The following ZFYVE9 variants were observed in gnomAD, a reference collection of about 807,000 sequenced individuals.
ZFYVE9 encodes the protein zinc finger FYVE-type containing 9.
In ZFYVE9, 43 loss-of-function variants were observed where a neutral mutation model predicts 126.7. That is an observed-to-expected ratio of 0.34 (90% CI 0.27 to 0.44). The LOEUF is 0.44. Ranked by LOEUF, ZFYVE9 falls within the 20% of genes least tolerant of loss-of-function variation. The pLI is 1.00. For synonymous variants in ZFYVE9, 521 were observed against 597.4 expected (o/e 0.87, Z 1.87); for missense variants, 1,476 against 1,697.0 (o/e 0.87, Z 2.29).
intron 3 of ZFYVE9, among the ~76,000 whole-genome samples, chr1:52,235,437 CTA>C (rs774328566): frequency 2.0e-5 from 3 of 152,060 alleles, no homozygotes; most frequent in Non-Finnish European, 2.9e-5. Flanking sequence ...GAAGCTGTAA[CTA>C]TTTTTTTGTT....
intron 1 of ZFYVE9, chr1:52,160,113 A>G (rs1396643760): frequency 1.1e-5 from 6 of 543,190 alleles, no homozygotes; most frequent in Non-Finnish European, 1.7e-5. Context: ...GTCCTTGATT[A>G]TAGAGATTCA....
intron 1 of ZFYVE9, among the ~76,000 whole-genome samples, chr1:52,165,776 A>T (rs1644507792): frequency 6.6e-6 from 1 of 151,708 alleles, no homozygotes; most frequent in South Asian, 2.1e-4. Context: ...AATAGTGATC[A>T]GCATAGTTCC....
chr1:52,258,478 G>A (rs1645545094), intron 4 of ZFYVE9, among the ~76,000 whole-genome samples: 2 of 141,490 alleles, frequency 1.4e-5, no homozygotes, highest in African/African-American at 2.7e-5. Flanking sequence ...CTATGCCCAG[G>A]ACAGTACTGT....
At chr1:52,179,639 A>G (rs1360981850) in intron 1 of ZFYVE9, among the ~76,000 whole-genome samples, 2 of 152,218 alleles carry the variant, frequency 1.3e-5, no homozygotes, top group African/African-American at 4.8e-5. Context: ...GTCTCAAAAA[A>G]AAAAAAGTCA....
chr1:52,143,890 G>T (rs1030992021), intron 1 of ZFYVE9, among the ~76,000 whole-genome samples: 1 of 152,176 alleles, frequency 6.6e-6, no homozygotes, highest in African/African-American at 2.4e-5. Context: ...GCCTTGCATT[G>T]TTTTTGTCAG....
rs111561597 is a variant in ZFYVE9 at position 52,304,274 on chromosome 1, A to T, written c.3438+349A>T. ...TAAATATTTATTTATTTATTTATTT[A>T]TTTTTTGAGATGGAGTCTCACTGTG... On this transcript the variant is annotated intron_variant, in intron 13 of 18. Transcript: ENST00000287727. Among the ~76,000 whole-genome samples the T allele has an allele frequency of 6.8e-3, 1,029 of 151,872 alleles. 9 individuals are homozygous for T. The highest frequency in any genetic ancestry group is 0.022 in the African/African-American group (919 of 41,442).
chr1:52,189,002 A>G (rs1357216078), intron 1 of ZFYVE9, among the ~76,000 whole-genome samples: 3 of 152,004 alleles, frequency 2.0e-5, no homozygotes, highest in Non-Finnish European at 4.4e-5. Context: ...CAGTGGCATG[A>G]TCTCGGCTCA....
At chr1:52,197,239 T>C (rs916970884) in intron 1 of ZFYVE9, among the ~76,000 whole-genome samples, 1 of 152,180 alleles carries the variant, frequency 6.6e-6, no homozygotes, top group Non-Finnish European at 1.5e-5. Flanking sequence ...GTGAGCATTA[T>C]GGGGAGAGGG....
intron 1 of ZFYVE9, among the ~76,000 whole-genome samples, chr1:52,189,532 C>T (rs938616987): frequency 1.1e-4 from 16 of 151,936 alleles, no homozygotes; most frequent in African/African-American, 2.2e-4. Context: ...CCACTGAGCC[C>T]GGCCTAATTT....
At chr1:52,186,556 A>G (rs575228406) in intron 1 of ZFYVE9, among the ~76,000 whole-genome samples, 2 of 152,302 alleles carry the variant, frequency 1.3e-5, no homozygotes, top group African/African-American at 4.8e-5. Flanking sequence ...ACATGATTCT[A>G]TATCTAGAAA....
intron 1 of ZFYVE9, among the ~76,000 whole-genome samples, chr1:52,212,220 C>T (rs954615935): frequency 3.9e-5 from 6 of 152,210 alleles, no homozygotes; most frequent in African/African-American, 1.4e-4. Flanking sequence ...TCACAGCTCA[C>T]TGCAACCTCC....
At chr1:52,184,611 G>A (rs1644747508) in intron 1 of ZFYVE9, among the ~76,000 whole-genome samples, 1 of 146,184 alleles carries the variant, frequency 6.8e-6, no homozygotes, top group South Asian at 2.3e-4. Context: ...GCGGGGGTGG[G>A]CGGGGGTGGG....
At chr1:52,203,114 T>C (rs1483388181) in intron 1 of ZFYVE9, among the ~76,000 whole-genome samples, 1 of 152,158 alleles carries the variant, frequency 6.6e-6, no homozygotes, top group Admixed American at 6.5e-5. Context: ...TTTCTCCTTG[T>C]TTAGGTTTCT....
chr1:52,255,235 T>C (rs989196721), intron 4 of ZFYVE9, among the ~76,000 whole-genome samples: 6 of 150,564 alleles, frequency 4.0e-5, no homozygotes, highest in Non-Finnish European at 9.0e-5. Flanking sequence ...TTGTTTACAA[T>C]TAAATTATTC....
chr1:52,248,582 A>T lies in ZFYVE9; in HGVS notation c.2178+8987A>T, dbSNP rs115344621. Among the ~76,000 whole-genome samples, 561 of 152,246 alleles carry T rather than the reference A, an allele frequency of 3.7e-3. 1 individual carries two copies. The highest frequency in any genetic ancestry group is 6.6e-3 in the Non-Finnish European group (448 of 68,014). ...GTTAACACTTAATACTAATCATCAC[A>T]TAGTGTGTATCAGAGTTTCATTCCT... is the stretch of plus-strand genomic sequence containing the variant. On this transcript the variant is annotated intron_variant, in intron 4 of 18. Transcript: ENST00000287727.
chr1:52,320,354 G>T (rs1646228077), intron 13 of ZFYVE9, among the ~76,000 whole-genome samples: 1 of 152,162 alleles, frequency 6.6e-6, no homozygotes, highest in East Asian at 1.9e-4. Context: ...ACAGGCATTA[G>T]CCACCGTGCC....
At chr1:52,275,993 C>T (rs374402696) in intron 8 of ZFYVE9, among the ~76,000 whole-genome samples, 2 of 150,758 alleles carry the variant, frequency 1.3e-5, no homozygotes, top group Admixed American at 6.6e-5. Context: ...CCACAACCTC[C>T]GCCTCCCGGG....
intron 5 of ZFYVE9, among the ~76,000 whole-genome samples, chr1:52,266,405 T>TTAAAAAA (rs1181730554): frequency 4.7e-5 from 4 of 85,640 alleles, no homozygotes; most frequent in African/African-American, 1.9e-4. Flanking sequence ...TCTAATTCTT[T>TTAAAAAA]AAAAAAAAAA....
intron 13 of ZFYVE9, among the ~76,000 whole-genome samples, chr1:52,308,048 G>A (rs981150042): frequency 2.0e-5 from 3 of 152,012 alleles, no homozygotes; most frequent in Admixed American, 6.6e-5. Flanking sequence ...CACTGTGCCC[G>A]GCCACAAACA....
Sources: allele counts gnomAD v4.1 joint callset (sites outside exome capture counted in the v4.1 genomes callset), GRCh38; gene constraint gnomAD v4.1.1; transcripts MANE v1.5; gene names NCBI Gene and HGNC (gene_info 2026-07-23, HGNC 2026-07-21).